Variants in DYDC2 observed in about 807,000 individuals in gnomAD.
The protein encoded by DYDC2 is DPY30 domain-containing protein 2.
In DYDC2, 19 loss-of-function variants were observed where a neutral mutation model predicts 18.7. That is an observed-to-expected ratio of 1.02 (90% CI 0.71 to 1.49). The LOEUF (loss-of-function observed/expected upper bound fraction) is 1.49. DYDC2 is among the 40% of genes most tolerant of loss of function. The pLI, the probability that DYDC2 is intolerant of heterozygous loss-of-function variation, is 0.00. For synonymous variants in DYDC2, 63 were observed against 67.6 expected (o/e 0.93, Z 0.34); for missense variants, 179 against 205.1 (o/e 0.87, Z 0.78).
intron 4 of DYDC2, among the ~76,000 whole-genome samples, chr10:80,363,471 A>C (rs1226046546): frequency 6.1e-5 from 9 of 146,892 alleles, no homozygotes; most frequent in Non-Finnish European, 1.5e-5. Flanking sequence ...CAGCCTCCCG[A>C]GTATCTGGGA....
intron 1 of DYDC2, among the ~76,000 whole-genome samples, chr10:80,350,470 G>A (rs751108477): frequency 2.0e-5 from 3 of 152,112 alleles, no homozygotes; most frequent in Admixed American, 6.5e-5. Context: ...GGAAGCACCT[G>A]GCCTGTTTGG....
chr10:80,362,742 C>G, intron 3 of DYDC2, 152 bp downstream of exon 3: 1 of 1,368,570 alleles, frequency 7.3e-7, no homozygotes, highest in Non-Finnish European at 9.9e-7. Context: ...GCATGGGGAT[C>G]CTGGGGGCTA....
chr10:80,360,892 C>T (rs1215197150), intron 2 of DYDC2, among the ~76,000 whole-genome samples: 2 of 151,752 alleles, frequency 1.3e-5, no homozygotes, highest in Admixed American at 1.3e-4. Context: ...TGCCCCCAAC[C>T]CCTCCAAGTA....
upstream of DYDC2, among the ~76,000 whole-genome samples, chr10:80,354,841 G>A (rs934059517): frequency 2.0e-5 from 3 of 152,178 alleles, no homozygotes; most frequent in South Asian, 2.1e-4. Context: ...CCAGAATGGT[G>A]AGAAATAAAT....
chr10:80,362,797 A>G (rs1843704607), intron 3 of DYDC2, among the ~76,000 whole-genome samples, 154 bp from the exon 4 acceptor site: 1 of 152,190 alleles, frequency 6.6e-6, no homozygotes, highest in Admixed American at 6.5e-5. Flanking sequence ...GTGGAGTTGA[A>G]GGGTTTGTAA....
chr10:80,348,561 T>C (rs1010763890), intron 1 of DYDC2, among the ~76,000 whole-genome samples: 3 of 152,234 alleles, frequency 2.0e-5, no homozygotes, highest in African/African-American at 7.2e-5. Flanking sequence ...TGTCAGTGGA[T>C]GTATTTTCCA....
intron 1 of DYDC2, among the ~76,000 whole-genome samples, chr10:80,347,613 T>C (rs1344434953): frequency 1.3e-5 from 2 of 152,226 alleles, no homozygotes; most frequent in Non-Finnish European, 2.9e-5. Context: ...TTAATCTATT[T>C]TGAACTGATT....
At chr10:80,359,026 A>C (rs1192780266) in intron 2 of DYDC2, among the ~76,000 whole-genome samples, 4 of 152,206 alleles carry the variant, frequency 2.6e-5, no homozygotes, top group African/African-American at 9.7e-5. Flanking sequence ...CAAAAGAACA[A>C]AGCTTCCAGT....
At chr10:80,355,965 CA>C (rs1008678127), upstream of DYDC2, among the ~76,000 whole-genome samples, 19 of 140,902 alleles carry the variant, frequency 1.3e-4, no homozygotes, top group African/African-American at 4.0e-4. Context: ...ACAGACATCT[CA>C]AAGTCATTTG....
chr10:80,355,005 T>C (rs1178874041), upstream of DYDC2, among the ~76,000 whole-genome samples: 1 of 150,894 alleles, frequency 6.6e-6, no homozygotes, highest in East Asian at 2.0e-4. Context: ...ATAAGTACTA[T>C]GAGACCAGAC....
rs1843849684 is a variant in DYDC2 at position 80,366,738 on chromosome 10, G to A, written c.321G>A (p.Glu107=). The A allele has an allele frequency of 6.2e-7, 1 of 1,613,860 alleles. No homozygotes were observed. The highest frequency in any genetic ancestry group is 8.5e-7 in the Non-Finnish European group (1 of 1,179,876). ...CGAAGAAGACCATATTCATGCAGGA[G>A]GACACAAACCCCCTTGAGAAGGAGG... The part of the protein sequence containing the change: ...VSTKKTIFMQ[E]DTNPLEKEAL... Residue 107 remains glutamate (E), a synonymous_variant, in exon 5 of 5, where the codon GAG becomes GAA. Transcript: ENST00000256039.
chr10:80,366,356 T>C (rs1246984835), intron 4 of DYDC2, among the ~76,000 whole-genome samples: 3 of 152,210 alleles, frequency 2.0e-5, no homozygotes, highest in Non-Finnish European at 4.4e-5. Flanking sequence ...TTCTGTTGAA[T>C]ACTTTTCCTC....
chr10:80,361,389 G>A (rs1273759298), intron 2 of DYDC2, among the ~76,000 whole-genome samples: 1 of 152,104 alleles, frequency 6.6e-6, no homozygotes, highest in South Asian at 2.1e-4. Context: ...TTGTTGGCCA[G>A]GTTTTGCCAC....
At chr10:80,356,480 T>C, upstream of DYDC2, 1 of 984,636 alleles carries the variant, frequency 1.0e-6, no homozygotes, top group Non-Finnish European at 1.2e-6. Context: ...CACCCGGGAG[T>C]CTGGAAGGGT....
upstream of DYDC2, chr10:80,352,631 C>A (rs757877518): frequency 1.3e-6 from 2 of 1,592,084 alleles, no homozygotes; most frequent in Non-Finnish European, 1.7e-6. Flanking sequence ...AGTGTTTTTG[C>A]ATTACTGCAG....
intron 1 of DYDC2, among the ~76,000 whole-genome samples, chr10:80,350,307 G>A (rs1039430051): frequency 3.3e-5 from 5 of 152,204 alleles, no homozygotes; most frequent in South Asian, 2.1e-4. Context: ...TAGTCGAGCC[G>A]AAGAGAGTTA....
At chr10:80,359,687 C>G (rs1188857386) in intron 2 of DYDC2, among the ~76,000 whole-genome samples, 1 of 152,116 alleles carries the variant, frequency 6.6e-6, no homozygotes, top group East Asian at 1.9e-4. Context: ...GCTGGCAGGC[C>G]GGCACTGCTG....
intron 2 of DYDC2, 50 bp from the exon 3 acceptor site, chr10:80,362,385 T>A: frequency 1.3e-6 from 2 of 1,570,472 alleles, no homozygotes; most frequent in Non-Finnish European, 8.7e-7. Context: ...CTATTTTTAA[T>A]ATCAGATTAA....
intron 4 of DYDC2, among the ~76,000 whole-genome samples, chr10:80,364,733 GAA>G (rs1668299771): frequency 6.6e-6 from 1 of 152,184 alleles, no homozygotes; most frequent in Non-Finnish European, 1.5e-5. Flanking sequence ...CTCAGTTTTA[GAA>G]AAGAGTTCAT....
Sources: allele counts gnomAD v4.1 joint callset (sites outside exome capture counted in the v4.1 genomes callset), GRCh38; gene constraint gnomAD v4.1.1; transcripts MANE v1.5; gene names NCBI Gene and HGNC (gene_info 2026-07-23, HGNC 2026-07-21).